TSPAN12: variants seen among roughly 807,000 people sequenced by gnomAD.
TSPAN12 encodes tetraspanin-12.
In TSPAN12, 19 loss-of-function variants were observed where a neutral mutation model predicts 39.2. The ratio of observed to expected loss-of-function variants is 0.49; its 90% CI spans 0.34 to 0.71. The LOEUF (loss-of-function observed/expected upper bound fraction) is 0.71. TSPAN12 is among the 30% of genes least tolerant of loss of function. The pLI is 0.01. For missense variants in TSPAN12, 314 were observed against 359.9 expected, an observed-to-expected ratio of 0.87 and a Z score of 1.03; for synonymous variants, 119 against 124.8, an observed-to-expected ratio of 0.95 and a Z score of 0.31.
chr7:120,828,327 A>T (rs543006476), intron 4 of TSPAN12, among the ~76,000 whole-genome samples: 1 of 152,294 alleles, frequency 6.6e-6, no homozygotes, highest in South Asian at 2.1e-4. Context: ...TCTGCTCACA[A>T]AACTTCAGAT....
chr7:120,823,447 C>T (rs1367380264), intron 4 of TSPAN12, among the ~76,000 whole-genome samples: 1 of 152,024 alleles, frequency 6.6e-6, no homozygotes, highest in African/African-American at 2.4e-5. Flanking sequence ...AGAAAAACAA[C>T]AGATCATTCC....
intron 4 of TSPAN12, among the ~76,000 whole-genome samples, chr7:120,817,093 G>C (rs1314291575): frequency 2.0e-5 from 3 of 152,062 alleles, no homozygotes; most frequent in Non-Finnish European, 4.4e-5. Flanking sequence ...TGTAGATTTG[G>C]CTAAGCGTGG....
chr7:120,821,034 C>T (rs1584937942), intron 4 of TSPAN12, among the ~76,000 whole-genome samples: 1 of 152,040 alleles, frequency 6.6e-6, no homozygotes, highest in African/African-American at 2.4e-5. Flanking sequence ...TTACTACCAT[C>T]TAAACATTTT....
chr7:120,810,686 T>C, intron 5 of TSPAN12, 116 bp from the exon 6 acceptor site: 1 of 704,366 alleles, frequency 1.4e-6, no homozygotes, highest in Non-Finnish European at 2.6e-6. Context: ...TGTCTTCTAA[T>C]TGACAAATAC....
chr7:120,815,585 C>T, intron 5 of TSPAN12, 144 bp downstream of exon 5: 1 of 766,792 alleles, frequency 1.3e-6, no homozygotes, highest in South Asian at 1.6e-5. Flanking sequence ...GCCTCCCCAG[C>T]CATGCTGAAC....
intron 4 of TSPAN12, among the ~76,000 whole-genome samples, chr7:120,837,928 T>G (rs765482781): frequency 1.3e-5 from 2 of 152,202 alleles, no homozygotes; most frequent in Non-Finnish European, 2.9e-5. Flanking sequence ...GCTACAAATC[T>G]GAGCTTTTTT....
intron 2 of TSPAN12, among the ~76,000 whole-genome samples, chr7:120,854,340 A>G (rs1305261636): frequency 6.6e-6 from 1 of 152,212 alleles, no homozygotes; most frequent in Non-Finnish European, 1.5e-5. Context: ...TACCATAATG[A>G]TAGTAGCAAT....
In TSPAN12 at chr7:120,825,903, C is replaced by T. The variant is rs997402560; in HGVS notation, c.286-10100G>A. On this transcript the variant is annotated intron_variant, in intron 4 of 7. Transcript: ENST00000222747. ...CATTCACCACGTCAATATCTCTCTA[C>T]AATTTTTTTAAAAAAGTCAAAGAAT... 2.4e-4 allele frequency among the ~76,000 whole-genome samples: 37 copies of T among 152,208 alleles called. No individual in the cohort carries two copies. The East Asian group carries it at 5.4e-3, about 22-fold the overall frequency.
intron 7 of TSPAN12, among the ~76,000 whole-genome samples, chr7:120,797,216 C>G (rs1443119484): frequency 1.3e-5 from 2 of 152,216 alleles, no homozygotes; most frequent in East Asian, 1.9e-4. Context: ...TGCAGCTAAG[C>G]AAAGCCATGT....
At chr7:120,800,276 T>TA (rs1256750157) in intron 7 of TSPAN12, among the ~76,000 whole-genome samples, 11 of 152,258 alleles carry the variant, frequency 7.2e-5, no homozygotes, top group Non-Finnish European at 1.6e-4. Context: ...TTACCACTGA[T>TA]ACAGTTTCTC....
intron 4 of TSPAN12, among the ~76,000 whole-genome samples, chr7:120,836,487 A>G (rs562994743): frequency 6.6e-6 from 1 of 152,340 alleles, no homozygotes; most frequent in Non-Finnish European, 1.5e-5. Flanking sequence ...AAAGCAAAGT[A>G]GAGATGGAAA....
Position 120,821,967 on chromosome 7 carries a change from T to C in TSPAN12, c.286-6164A>G, listed in dbSNP as rs543222959. ...TTCCAAAACATCTTTATTACAAAAC[T>C]AAAGCAGGATGGGTGTGGAGGGTGG... is the stretch of plus-strand genomic sequence containing the variant. On this transcript the variant is annotated intron_variant, in intron 4 of 7. Transcript: ENST00000222747. 2.0e-5 allele frequency among the ~76,000 whole-genome samples: 3 copies of C among 152,200 alleles called. No individual in the cohort carries two copies. The East Asian group carries it at 5.8e-4, about 29-fold the overall frequency.
intron 4 of TSPAN12, among the ~76,000 whole-genome samples, chr7:120,834,177 T>A (rs1794436589): frequency 6.6e-6 from 1 of 152,238 alleles, no homozygotes; most frequent in South Asian, 2.1e-4. Context: ...TATGTCCATT[T>A]AAATTTAAAT....
intron 7 of TSPAN12, among the ~76,000 whole-genome samples, chr7:120,790,946 G>A (rs1025722894): frequency 8.6e-5 from 13 of 151,958 alleles, no homozygotes; most frequent in African/African-American, 2.7e-4. Flanking sequence ...CTATGTGCTC[G>A]GTACTTAGTA....
chr7:120,788,509 T>C lies in TSPAN12; in HGVS notation c.*83A>G, dbSNP rs1391374384. 8.0e-6 allele frequency: 12 copies of C among 1,495,838 alleles called. No homozygotes were observed. The African/African-American group carries it at 1.5e-4, about 19-fold the overall frequency. 92.7% of individuals were successfully genotyped at this position (1,495,838 alleles called of 1,614,324 possible). On this transcript the variant is annotated 3_prime_UTR_variant, in exon 8 of 8. Coordinates refer to ENST00000222747, the MANE Select transcript of TSPAN12 (RefSeq NM_012338.4). ...TTATGGCAACATTTTTATTTCTACATATTTCTGAAACACATAGTATGTACT... is the reference window on the plus strand; with the variant it reads ...TTATGGCAACATTTTTATTTCTACACATTTCTGAAACACATAGTATGTACT...
chr7:120,787,686 C>G lies in TSPAN12; in HGVS notation c.*906G>C, dbSNP rs1793435297. The G allele has an allele frequency of 6.6e-6, 1 of 152,154 alleles. No individual in the cohort carries two copies. The highest frequency in any genetic ancestry group is 2.1e-4 in the South Asian group (1 of 4,830). 9.4% of individuals were successfully genotyped at this position (152,154 alleles called of 1,614,324 possible). On this transcript the variant is annotated 3_prime_UTR_variant, in exon 8 of 8. Transcript: ENST00000222747. The stretch of plus-strand genomic sequence containing the variant: ...AAAGAGTCTTCATTTGGGAGAAAAA[C>G]AGCATACAAGTCCTTTCTGAATCAA...
At chr7:120,810,612 A>G in intron 5 of TSPAN12, 42 bp from the exon 6 acceptor site, 1 of 950,360 alleles carries the variant, frequency 1.1e-6, no homozygotes, top group Non-Finnish European at 1.7e-6. Flanking sequence ...TAGCTCACAC[A>G]CAGACACAGA....
intron 6 of TSPAN12, among the ~76,000 whole-genome samples, chr7:120,808,853 C>T (rs1449439667): frequency 6.6e-6 from 1 of 151,802 alleles, no homozygotes; most frequent in Admixed American, 6.6e-5. Flanking sequence ...CCTCCCAGTA[C>T]CTTAGAATGT....
At chr7:120,831,398 G>A (rs1431373822) in intron 4 of TSPAN12, among the ~76,000 whole-genome samples, 1 of 151,988 alleles carries the variant, frequency 6.6e-6, no homozygotes, top group Non-Finnish European at 1.5e-5. Context: ...CAACCTAAGT[G>A]TCCATCAATA....
Sources: gnomAD v4.1 joint callset for allele counts (sites outside exome capture counted in the v4.1 genomes callset) on GRCh38, gnomAD v4.1.1 for gene constraint, MANE v1.5 for transcripts, NCBI Gene and HGNC (gene_info 2026-07-23, HGNC 2026-07-21) for gene names.